Variants in MED12L observed in about 807,000 individuals in gnomAD.
The protein encoded by MED12L is mediator of RNA polymerase II transcription subunit 12-like protein.
MED12L carries 60 observed loss-of-function variants against 281.3 expected under a neutral mutation model. The observed-to-expected ratio is 0.21, with a 90% CI of 0.17 to 0.26. MED12L has a LOEUF of 0.26. MED12L is among the 10% of genes least tolerant of loss of function. The pLI is 1.00. For synonymous variants in MED12L, 974 were observed against 987.2 expected (o/e 0.99, Z 0.25); for missense variants, 2,146 against 2,680.9 (o/e 0.80, Z 4.41).
At chr3:151,371,591 T>G (rs918099971) in intron 26 of MED12L, among the ~76,000 whole-genome samples, 1 of 152,206 alleles carries the variant, frequency 6.6e-6, no homozygotes, top group Admixed American at 6.5e-5. Context: ...TTTTCTTGGT[T>G]GACTTGTGGG....
chr3:151,421,486 C>T (rs1293615348), intron 43 of MED12L, among the ~76,000 whole-genome samples: 1 of 152,010 alleles, frequency 6.6e-6, no homozygotes, highest in Non-Finnish European at 1.5e-5. Context: ...TCTTGGCTCA[C>T]TGCAACCTGC....
chr3:151,095,826 A>C (rs1720641137), intron 2 of MED12L, among the ~76,000 whole-genome samples: 1 of 152,062 alleles, frequency 6.6e-6, no homozygotes, highest in African/African-American at 2.4e-5. Flanking sequence ...GAATCACTTG[A>C]GCCTAGGAGT....
At chr3:151,203,783 T>C (rs1197967117) in intron 16 of MED12L, among the ~76,000 whole-genome samples, 1 of 152,156 alleles carries the variant, frequency 6.6e-6, no homozygotes, top group East Asian at 1.9e-4. Context: ...ACATAAGTTT[T>C]AAATTTTTTC....
intron 14 of MED12L, 23 bp downstream of exon 14, chr3:151,190,954 C>T (rs1052904842): frequency 6.2e-7 from 1 of 1,602,064 alleles, no homozygotes; most frequent in Non-Finnish European, 8.5e-7. Flanking sequence ...ATATGATGCC[C>T]CACTCCCCCA....
intron 16 of MED12L, chr3:151,337,718 A>T: frequency 8.5e-7 from 1 of 1,177,544 alleles, no homozygotes; most frequent in Non-Finnish European, 1.2e-6. Flanking sequence ...CATTATTATT[A>T]ACTTAGTTGC....
intron 16 of MED12L, among the ~76,000 whole-genome samples, chr3:151,348,319 T>C (rs1232541645): frequency 7.7e-6 from 1 of 130,686 alleles, no homozygotes; most frequent in Non-Finnish European, 1.6e-5. Context: ...CTAGGGTTCA[T>C]ATGTACACAA....
chr3:151,328,729 C>G (rs1191323915), intron 16 of MED12L: 7 of 1,613,798 alleles, frequency 4.3e-6, no homozygotes, highest in African/African-American at 1.3e-5. Context: ...CTCTGAGCTG[C>G]CAGGGTGCCA....
chr3:151,112,909 A>G (rs573154830), intron 2 of MED12L, among the ~76,000 whole-genome samples: 62 of 152,346 alleles, frequency 4.1e-4, no homozygotes, highest in African/African-American at 1.5e-3. Context: ...ACAAATATTT[A>G]TTGAACAGCT....
At chr3:151,157,189 G>C (rs965322352) in intron 6 of MED12L, among the ~76,000 whole-genome samples, 2 of 151,644 alleles carry the variant, frequency 1.3e-5, no homozygotes, top group Non-Finnish European at 2.9e-5. Flanking sequence ...CTCTCAGCAT[G>C]TTTAATGGTT....
intron 4 of MED12L, among the ~76,000 whole-genome samples, 153 bp from the exon 5 acceptor site, chr3:151,127,672 A>G (rs1714731789): frequency 6.6e-6 from 1 of 152,236 alleles, no homozygotes; most frequent in Admixed American, 6.5e-5. Flanking sequence ...AACAAAAACT[A>G]CATGCACTAT....
chr3:151,308,529 T>TA (rs1747016700), intron 16 of MED12L, among the ~76,000 whole-genome samples: 1 of 152,164 alleles, frequency 6.6e-6, no homozygotes. Flanking sequence ...TTCTGGCCCT[T>TA]AAAGATATTC....
At chr3:151,264,653 C>G (rs1739496039) in intron 16 of MED12L, among the ~76,000 whole-genome samples, 1 of 152,184 alleles carries the variant, frequency 6.6e-6, no homozygotes, top group South Asian at 2.1e-4. Context: ...ATGCTGGGAG[C>G]AGGAGCCTCC....
chr3:151,190,956 A>G (rs761874783), intron 14 of MED12L, 25 bp downstream of exon 14: 5 of 1,600,458 alleles, frequency 3.1e-6, no homozygotes, highest in South Asian at 1.1e-5. Flanking sequence ...ATGATGCCCC[A>G]CTCCCCCAGA....
chr3:151,322,549 C>T (rs1431490598), intron 16 of MED12L, among the ~76,000 whole-genome samples: 1 of 152,012 alleles, frequency 6.6e-6, no homozygotes. Context: ...ATAAGGGTTG[C>T]TTCTACTTCC....
At chr3:151,169,326 G>T (rs1251696679) in intron 11 of MED12L, among the ~76,000 whole-genome samples, 1 of 151,626 alleles carries the variant, frequency 6.6e-6, no homozygotes, top group Admixed American at 6.6e-5. Context: ...TCACCATGTT[G>T]GCCAGGCTGG....
At chr3:151,255,871 A>G (rs1737722337) in intron 16 of MED12L, among the ~76,000 whole-genome samples, 1 of 152,126 alleles carries the variant, frequency 6.6e-6, no homozygotes, top group Non-Finnish European at 1.5e-5. Context: ...ATCTCTCTCA[A>G]TCTGTTTCCC....
At chr3:151,087,787 C>T (rs966523493) in intron 2 of MED12L, among the ~76,000 whole-genome samples, 2 of 152,234 alleles carry the variant, frequency 1.3e-5, no homozygotes, top group Middle Eastern at 3.4e-3. Flanking sequence ...CATTTTGTAG[C>T]TGTGTATCTG....
At chr3:151,120,367 A>C (rs984196918) in intron 3 of MED12L, among the ~76,000 whole-genome samples, 2 of 152,236 alleles carry the variant, frequency 1.3e-5, no homozygotes, top group African/African-American at 4.8e-5. Context: ...ATACAGTCTG[A>C]ATTCTGGAAG....
chr3:151,425,172 A>G (rs1718738359), intron 43 of MED12L, among the ~76,000 whole-genome samples: 1 of 152,236 alleles, frequency 6.6e-6, no homozygotes, highest in Admixed American at 6.5e-5. Context: ...CGGTAGGTCC[A>G]TTACTGAATC....
Sources: allele counts gnomAD v4.1 joint callset (sites outside exome capture counted in the v4.1 genomes callset), GRCh38; gene constraint gnomAD v4.1.1; transcripts MANE v1.5; gene names NCBI Gene and HGNC (gene_info 2026-07-23, HGNC 2026-07-21).